Variants in ELP4 observed in about 807,000 individuals in gnomAD.
The protein encoded by ELP4 is elongator acetyltransferase complex subunit 4.
ELP4 carries 51 observed loss-of-function variants against 48.9 expected under a neutral mutation model. That is an observed-to-expected ratio of 1.04 (90% CI 0.83 to 1.32). The LOEUF (loss-of-function observed/expected upper bound fraction) is 1.32. Among genes scored for constraint, ELP4 ranks in the 40% most tolerant of loss-of-function variants. ELP4 has a pLI of 0.00. For synonymous variants in ELP4, 210 were observed against 189.2 expected (o/e 1.11, Z -0.90); for missense variants, 519 against 514.6 (o/e 1.01, Z -0.08).
chr11:31,523,573 A>G (rs1298134785), intron 2 of ELP4, among the ~76,000 whole-genome samples: 1 of 152,156 alleles, frequency 6.6e-6, no homozygotes, highest in Non-Finnish European at 1.5e-5. Context: ...AGAAAAACCT[A>G]AAATAAGTCC....
chr11:31,564,105 A>G (rs1013756504), intron 3 of ELP4, among the ~76,000 whole-genome samples: 13 of 152,234 alleles, frequency 8.5e-5, no homozygotes, highest in Non-Finnish European at 1.6e-4. Flanking sequence ...AATGACTCCC[A>G]GTAAGTAACA....
intron 2 of ELP4, among the ~76,000 whole-genome samples, chr11:31,521,387 G>T (rs917831950): frequency 2.0e-4 from 30 of 151,892 alleles, no homozygotes; most frequent in African/African-American, 6.8e-4. Flanking sequence ...CAAGGATGGG[G>T]TAGTTTTCCC....
At chr11:31,622,122 T>TAAAATCA (rs1204877799) in intron 5 of ELP4, among the ~76,000 whole-genome samples, 1 of 151,898 alleles carries the variant, frequency 6.6e-6, no homozygotes, top group East Asian at 1.9e-4. Context: ...TTGATATAAT[T>TAAAATCA]AAAATCAGGT....
chr11:31,595,709 G>C (rs7943230), intron 4 of ELP4, among the ~76,000 whole-genome samples: 97,233 of 151,980 alleles, frequency 0.64, 33,389 homozygotes, highest in Non-Finnish European at 0.76. Flanking sequence ...CTAATACTAT[G>C]CTGCCAAACT....
At chr11:31,539,238 G>A (rs1226777811) in intron 2 of ELP4, among the ~76,000 whole-genome samples, 1 of 152,176 alleles carries the variant, frequency 6.6e-6, no homozygotes, top group African/African-American at 2.4e-5. Flanking sequence ...GCCAAGGCGG[G>A]CAGATCACGA....
At chr11:31,556,701 C>G (rs1288820117) in intron 3 of ELP4, among the ~76,000 whole-genome samples, 2 of 151,750 alleles carry the variant, frequency 1.3e-5, no homozygotes. Flanking sequence ...TATCTAAGAT[C>G]GAGAGCAAAA....
chr11:31,627,474 A>G (rs1186418200), intron 6 of ELP4, among the ~76,000 whole-genome samples: 2 of 152,082 alleles, frequency 1.3e-5, no homozygotes, highest in African/African-American at 4.8e-5. Context: ...GGGATTAAGT[A>G]GCTGCATTTT....
intron 1 of ELP4, among the ~76,000 whole-genome samples, chr11:31,512,962 G>A (rs995115969): frequency 2.0e-5 from 3 of 152,040 alleles, no homozygotes; most frequent in Non-Finnish European, 2.9e-5. Context: ...AATTTTGATA[G>A]TGAAGGGAAT....
At chr11:31,748,331 G>A (rs111668103) in intron 9 of ELP4, among the ~76,000 whole-genome samples, 2,534 of 146,126 alleles carry the variant, frequency 0.017, 74 homozygotes, top group African/African-American at 0.061. Flanking sequence ...TGCAACCTCC[G>A]CCTCTCAGGT....
chr11:31,715,461 G>A (rs1946825603), intron 9 of ELP4, among the ~76,000 whole-genome samples: 6 of 152,178 alleles, frequency 3.9e-5, no homozygotes, highest in South Asian at 2.1e-4. Context: ...CAAAAGACAT[G>A]CACACAGTTA....
chr11:31,539,793 A>G lies in ELP4; in HGVS notation c.381+10A>G. The G allele has an allele frequency of 6.3e-7, 1 of 1,581,314 alleles. No homozygotes were observed. The highest frequency in any genetic ancestry group is 8.6e-7 in the Non-Finnish European group (1 of 1,166,498). ...TGCCAACATTTTACAGGTATAGAAT[A>G]TATGAACTTAATATTGCATTTTGAA... is the stretch of plus-strand genomic sequence containing the variant. On this transcript the variant is annotated intron_variant, in intron 3 of 9. Transcript: ENST00000640961.
At chr11:31,757,567 C>T (rs1947857658) in intron 9 of ELP4, among the ~76,000 whole-genome samples, 1 of 152,114 alleles carries the variant, frequency 6.6e-6, no homozygotes. Context: ...AAGGAAATGA[C>T]AAGGAGCACT....
intron 3 of ELP4, among the ~76,000 whole-genome samples, chr11:31,558,034 A>T (rs1385601926): frequency 1.3e-5 from 2 of 151,748 alleles, no homozygotes; most frequent in Admixed American, 6.6e-5. Flanking sequence ...TTTTGTCAAT[A>T]TTTTATTTGT....
intron 9 of ELP4, among the ~76,000 whole-genome samples, chr11:31,776,381 A>C (rs2134278686): frequency 6.6e-6 from 1 of 152,332 alleles, no homozygotes; most frequent in East Asian, 1.9e-4. Context: ...CTTCTGCTCC[A>C]GATGAAGTGA....
intron 9 of ELP4, among the ~76,000 whole-genome samples, chr11:31,730,189 C>T (rs745504614): frequency 6.6e-6 from 1 of 152,110 alleles, no homozygotes; most frequent in Non-Finnish European, 1.5e-5. Flanking sequence ...TCCATTTGTG[C>T]TACTATAACA....
Position 31,613,485 on chromosome 11 carries a change from T to C in ELP4, c.653+9578T>C, listed in dbSNP as rs1002144225. On this transcript the variant is annotated intron_variant, in intron 5 of 9. Coordinates refer to ENST00000640961, the MANE Select transcript of ELP4 (RefSeq NM_019040.5). ...TAATAATCCTCTTTACATTTGTTTA[T>C]TGGTAAAACTCTTCTTTTTAGAATC... 2.0e-5 allele frequency among the ~76,000 whole-genome samples: 3 copies of C among 152,272 alleles called. No individual in the cohort carries two copies. In the East Asian group the frequency reaches 5.8e-4, roughly 29 times the overall value.
chr11:31,627,130 C>G lies in ELP4; in HGVS notation c.674C>G (p.Thr225Arg), dbSNP rs1239692550. Residue 225 changes from threonine (T) to arginine (R), a missense_variant, in exon 6 of 10, where the codon ACA (threonine) becomes AGA (arginine). Thr to Arg is a moderately conservative substitution (Grantham distance 71). Transcript: ENST00000640961. ...VEPCSLTPGYTKLLQFIQNII... is the reference protein window; with the variant it reads ...VEPCSLTPGYRKLLQFIQNII... Reference sequence around the variant, plus strand: ...AACAGTTCTTTGACCCCTGGCTACACAAAGCTGCTTCAGTTTATCCAGAAC... The same window carrying G: ...AACAGTTCTTTGACCCCTGGCTACAGAAAGCTGCTTCAGTTTATCCAGAAC... 1.2e-6 allele frequency: 2 copies of G among 1,607,946 alleles called. No individual in the cohort carries two copies. Among genetic ancestry groups the G allele is most frequent in the African/African-American group, 2.7e-5 (2 of 74,646 alleles).
At chr11:31,512,970 A>G (rs1956037956) in intron 1 of ELP4, among the ~76,000 whole-genome samples, 1 of 152,044 alleles carries the variant, frequency 6.6e-6, no homozygotes, top group Non-Finnish European at 1.5e-5. Flanking sequence ...TAGTGAAGGG[A>G]ATGTCAGATA....
Position 31,647,770 on chromosome 11 carries a change from C to T in ELP4, c.957C>T (p.Thr319=), listed in dbSNP as rs1224879801. ...QNKAIIARVT[T]LSDVVVGLES... ...AAGCCATTATTGCCCGTGTCACAAC[C>T]TTGTCAGATGTAGTAGTTGGTCTGG... The change falls in exon 8 of 10, where the codon ACC becomes ACT. Residue 319 remains threonine (T), a synonymous_variant. Transcript: ENST00000640961. 2 of 1,609,292 alleles carry T rather than the reference C, an allele frequency of 1.2e-6. No individual in the cohort carries two copies. The highest frequency in any genetic ancestry group is 3.3e-5 in the Admixed American group (2 of 59,796).
Sources: gnomAD v4.1 joint callset for allele counts (sites outside exome capture counted in the v4.1 genomes callset) on GRCh38, gnomAD v4.1.1 for gene constraint, MANE v1.5 for transcripts, NCBI Gene and HGNC (gene_info 2026-07-23, HGNC 2026-07-21) for gene names.